The following SLC38A1 variants were observed in gnomAD, a reference collection of about 807,000 sequenced individuals.
SLC38A1 encodes the protein sodium-coupled neutral amino acid symporter 1.
A neutral mutation model predicts 60.3 loss-of-function variants in SLC38A1; 18 were observed. The ratio of observed to expected loss-of-function variants is 0.30; its 90% CI spans 0.21 to 0.44. SLC38A1 has a LOEUF of 0.44. SLC38A1 is among the 20% of genes least tolerant of loss of function. The pLI is 1.00. For synonymous variants in SLC38A1, 196 were observed against 212.1 expected, an observed-to-expected ratio of 0.92 and a Z score of 0.66; for missense variants, 448 against 587.2, an observed-to-expected ratio of 0.76 and a Z score of 2.45.
intron 1 of SLC38A1, among the ~76,000 whole-genome samples, chr12:46,265,328 G>A (rs1393310548): frequency 6.6e-6 from 1 of 152,212 alleles, no homozygotes; most frequent in Non-Finnish European, 1.5e-5. Context: ...ATCACCTGGA[G>A]TAACAACAGT....
At chr12:46,227,990 G>A (rs775245641) in intron 5 of SLC38A1, among the ~76,000 whole-genome samples, 61 of 152,016 alleles carry the variant, frequency 4.0e-4, no homozygotes, top group African/African-American at 1.2e-3. Flanking sequence ...GAAATATGTT[G>A]TCCAATTCTG....
chr12:46,201,137 A>G lies in SLC38A1; in HGVS notation c.964T>C (p.Tyr322His). The G allele has an allele frequency of 6.2e-7, 1 of 1,613,654 alleles. No homozygotes were observed. Residue 322 changes from tyrosine to histidine, a missense_variant, in exon 13 of 17, where the codon TAC (tyrosine) becomes CAC (histidine). This residue lies in a region of SLC38A1 where 346 missense variants were observed against 497.5 expected (regional missense o/e 0.70). Coordinates refer to ENST00000398637, the MANE Select transcript of SLC38A1 (RefSeq NM_030674.4). ...NISFFAMFVM[Y>H]FLTAIFGYLT... ...TAGCCAAAAATGGCAGTCAAGAAGT[A>G]CATAACAAACATGGCGAAAAAGGAG...
intron 5 of SLC38A1, among the ~76,000 whole-genome samples, chr12:46,226,627 T>C (rs1940875262): frequency 1.3e-4 from 1 of 7,906 alleles, no homozygotes; most frequent in Non-Finnish European, 3.0e-4. Context: ...CTTTTTTTTT[T>C]TTTTTTTTTT....
chr12:46,246,184 A>G (rs1452963834), intron 1 of SLC38A1, among the ~76,000 whole-genome samples: 2 of 152,168 alleles, frequency 1.3e-5, no homozygotes, highest in East Asian at 3.9e-4. Flanking sequence ...ACAGAGGGTG[A>G]GGCGAAGCAG....
chr12:46,241,610 A>G (rs1002958968), intron 2 of SLC38A1, among the ~76,000 whole-genome samples: 7 of 152,164 alleles, frequency 4.6e-5, no homozygotes, highest in African/African-American at 1.2e-4. Flanking sequence ...CTCTAACCAC[A>G]GTGGTGGTGC....
intron 3 of SLC38A1, among the ~76,000 whole-genome samples, chr12:46,231,733 A>C (rs1255978920): frequency 6.6e-6 from 1 of 152,176 alleles, no homozygotes; most frequent in Non-Finnish European, 1.5e-5. Context: ...TCCACTTCCC[A>C]GGCTCAAGTG....
intron 16 of SLC38A1, among the ~76,000 whole-genome samples, chr12:46,192,283 T>A (rs1270311463): frequency 6.6e-6 from 1 of 152,182 alleles, no homozygotes; most frequent in Non-Finnish European, 1.5e-5. Flanking sequence ...GGGATGAAGC[T>A]GACTTGATCA....
chr12:46,201,389 T>A (rs1192241114), intron 12 of SLC38A1, among the ~76,000 whole-genome samples, 191 bp from the exon 13 acceptor site: 1 of 152,202 alleles, frequency 6.6e-6, no homozygotes, highest in East Asian at 1.9e-4. Flanking sequence ...GAGGGTGAGA[T>A]CTGTGGAACT....
At chr12:46,229,364 A>G in intron 4 of SLC38A1, 96 bp from the exon 5 acceptor site, 1 of 885,516 alleles carries the variant, frequency 1.1e-6, no homozygotes, top group Non-Finnish European at 1.8e-6. Context: ...ACCAATATGG[A>G]AGTAAAATTC....
At chr12:46,263,632 AC>A (rs1942265327) in intron 1 of SLC38A1, among the ~76,000 whole-genome samples, 1 of 151,778 alleles carries the variant, frequency 6.6e-6, no homozygotes, top group Non-Finnish European at 1.5e-5. Flanking sequence ...TTTCTCCTAT[AC>A]CTTGGTCCAT....
At chr12:46,223,587 C>T (rs1420677234) in intron 5 of SLC38A1, among the ~76,000 whole-genome samples, 2 of 152,066 alleles carry the variant, frequency 1.3e-5, no homozygotes, top group Non-Finnish European at 2.9e-5. Context: ...TTTTCACTCC[C>T]ACAACCACAA....
chr12:46,210,617 C>T (rs1382113362), intron 5 of SLC38A1, among the ~76,000 whole-genome samples: 1 of 151,822 alleles, frequency 6.6e-6, no homozygotes, highest in African/African-American at 2.4e-5. Context: ...TGGGAGGGAC[C>T]CGGTGGGAGA....
intron 1 of SLC38A1, among the ~76,000 whole-genome samples, chr12:46,244,326 T>C (rs1477763283): frequency 6.6e-6 from 1 of 152,222 alleles, no homozygotes; most frequent in Non-Finnish European, 1.5e-5. Context: ...CCAAGGACAG[T>C]ACTGGCAGCC....
intron 1 of SLC38A1, among the ~76,000 whole-genome samples, chr12:46,255,590 A>C (rs1941992724): frequency 6.6e-6 from 1 of 152,232 alleles, no homozygotes; most frequent in South Asian, 2.1e-4. Flanking sequence ...TTCACCAAAA[A>C]CACATTTCAC....
At chr12:46,242,443 G>C (rs1260454523) in intron 2 of SLC38A1, among the ~76,000 whole-genome samples, 1 of 152,048 alleles carries the variant, frequency 6.6e-6, no homozygotes, top group Non-Finnish European at 1.5e-5. Context: ...GTCACATTTG[G>C]ATTGGACCTT....
intron 3 of SLC38A1, among the ~76,000 whole-genome samples, chr12:46,237,751 T>C (rs967326438): frequency 6.6e-6 from 1 of 151,852 alleles, no homozygotes; most frequent in East Asian, 1.9e-4. Context: ...TATAAATGAC[T>C]CCCACCTTTA....
chr12:46,241,599 C>A (rs780910673), intron 2 of SLC38A1, among the ~76,000 whole-genome samples: 2 of 152,198 alleles, frequency 1.3e-5, no homozygotes, highest in Non-Finnish European at 2.9e-5. Flanking sequence ...GAGGCTGATT[C>A]CTCTAACCAC....
In SLC38A1 at chr12:46,188,909, T is replaced by G. The variant is rs1242306127; in HGVS notation, c.*61A>C. The G allele has an allele frequency of 1.5e-6, 2 of 1,326,526 alleles. No individual in the cohort carries two copies. The highest frequency in any genetic ancestry group is 2.2e-6 in the Non-Finnish European group (2 of 926,702). The allele number at this position is 1,326,526 out of a possible 1,614,324, so 82.2% of individuals were successfully genotyped here. The stretch of plus-strand genomic sequence containing the variant: ...ACTTGCAAAAGAAGTGGTGAGAGAT[T>G]GCTGATGTGTGGGGACTTGACTGAG... On this transcript the variant is annotated 3_prime_UTR_variant, in exon 17 of 17. Coordinates refer to ENST00000398637, the MANE Select transcript of SLC38A1 (RefSeq NM_030674.4).
At chr12:46,216,728 C>T (rs1399161420) in intron 5 of SLC38A1, among the ~76,000 whole-genome samples, 1 of 152,052 alleles carries the variant, frequency 6.6e-6, no homozygotes, top group Admixed American at 6.5e-5. Flanking sequence ...GGCATAGCGG[C>T]GTATGCCTGT....
Sources: gnomAD v4.1 joint callset for allele counts (sites outside exome capture counted in the v4.1 genomes callset) on GRCh38, gnomAD v4.1.1 for gene constraint, gnomAD v4.1.1 regional missense constraint, MANE v1.5 for transcripts, NCBI Gene and HGNC (gene_info 2026-07-23, HGNC 2026-07-21) for gene names.